The following NALF1 variants were observed in gnomAD, a reference collection of about 807,000 sequenced individuals.
NALF1 encodes family with sequence similarity 155 member A.
NALF1 carries 3 observed loss-of-function variants against 48.4 expected under a neutral mutation model. That is an observed-to-expected ratio of 0.06 (90% CI 0.03 to 0.16). NALF1 has a LOEUF of 0.16. NALF1 is among the 10% of genes least tolerant of loss of function. NALF1 has a pLI of 1.00. For synonymous variants in NALF1, 262 were observed against 245.7 expected (o/e 1.07, Z -0.62); for missense variants, 526 against 571.5 (o/e 0.92, Z 0.81).
intron 1 of NALF1, among the ~76,000 whole-genome samples, chr13:107,512,420 A>C (rs2139088501): frequency 6.6e-6 from 1 of 152,314 alleles, no homozygotes; most frequent in African/African-American, 2.4e-5. Context: ...AACCTGGTTT[A>C]GTTCAATATC....
At chr13:107,347,666 C>G (rs751180949) in intron 1 of NALF1, among the ~76,000 whole-genome samples, 2 of 152,092 alleles carry the variant, frequency 1.3e-5, no homozygotes, top group Non-Finnish European at 2.9e-5. Flanking sequence ...TTTAATAATG[C>G]ATTACGCAAA....
At chr13:107,430,189 G>A (rs1229727401) in intron 1 of NALF1, among the ~76,000 whole-genome samples, 2 of 152,188 alleles carry the variant, frequency 1.3e-5, no homozygotes, top group Non-Finnish European at 2.9e-5. Flanking sequence ...TTCATAGCAA[G>A]CGGTTGGAAT....
chr13:107,657,442 G>T (rs1277433606), intron 1 of NALF1, among the ~76,000 whole-genome samples: 1 of 152,124 alleles, frequency 6.6e-6, no homozygotes, highest in African/African-American at 2.4e-5. Context: ...GTTTGCACGG[G>T]TGTGTGTCTT....
chr13:107,628,001 A>C (rs991982961), intron 1 of NALF1, among the ~76,000 whole-genome samples: 3 of 152,190 alleles, frequency 2.0e-5, no homozygotes, highest in African/African-American at 7.2e-5. Flanking sequence ...TGGAATTTAT[A>C]AATCATACGA....
intron 2 of NALF1, among the ~76,000 whole-genome samples, chr13:107,182,226 CTG>C (rs148923366): frequency 2.8e-3 from 412 of 144,880 alleles, no homozygotes; most frequent in African/African-American, 6.1e-3. Flanking sequence ...TTTATTTATG[CTG>C]TGTGTGTGTG....
At chr13:107,432,928 G>A (rs1023124452) in intron 1 of NALF1, among the ~76,000 whole-genome samples, 1 of 152,108 alleles carries the variant, frequency 6.6e-6, no homozygotes, top group Non-Finnish European at 1.5e-5. Context: ...TTCATCTCCT[G>A]AAGTCTTCTT....
intron 1 of NALF1, among the ~76,000 whole-genome samples, chr13:107,345,206 C>A (rs950378633): frequency 2.0e-5 from 3 of 152,006 alleles, no homozygotes; most frequent in African/African-American, 7.2e-5. Flanking sequence ...CATTGGAAGA[C>A]TTATATATTA....
intron 1 of NALF1, among the ~76,000 whole-genome samples, chr13:107,358,839 G>T (rs1231543063): frequency 6.6e-6 from 1 of 152,038 alleles, no homozygotes; most frequent in Non-Finnish European, 1.5e-5. Context: ...GTTTCTTTGG[G>T]ATTGGGTGCC....
intron 1 of NALF1, among the ~76,000 whole-genome samples, chr13:107,756,435 C>A (rs1319079771): frequency 7.1e-6 from 1 of 141,086 alleles, no homozygotes; most frequent in African/African-American, 2.7e-5. Flanking sequence ...AGTTTAATGG[C>A]TATATATATA....
chr13:107,504,543 C>G (rs1376939722), intron 1 of NALF1, among the ~76,000 whole-genome samples: 1 of 152,116 alleles, frequency 6.6e-6, no homozygotes, highest in Non-Finnish European at 1.5e-5. Context: ...CATATGTACA[C>G]AATAAAATTT....
At chr13:107,539,987 T>A (rs982798658) in intron 1 of NALF1, among the ~76,000 whole-genome samples, 3 of 151,518 alleles carry the variant, frequency 2.0e-5, no homozygotes, top group African/African-American at 7.3e-5. Context: ...AATAATTTCT[T>A]AAAATATCAT....
chr13:107,314,667 G>T (rs889330106), intron 1 of NALF1, among the ~76,000 whole-genome samples: 4 of 152,102 alleles, frequency 2.6e-5, no homozygotes, highest in Admixed American at 2.6e-4. Context: ...TGGTTAGGTA[G>T]ACACTTTGTT....
chr13:107,610,631 G>A (rs995633074), intron 1 of NALF1, among the ~76,000 whole-genome samples: 6 of 152,064 alleles, frequency 3.9e-5, no homozygotes, highest in African/African-American at 1.5e-4. Context: ...TGGTTTAAGA[G>A]AATTTGAACA....
intron 1 of NALF1, among the ~76,000 whole-genome samples, chr13:107,500,453 A>C (rs1875482653): frequency 6.6e-6 from 1 of 151,678 alleles, no homozygotes; most frequent in Admixed American, 6.6e-5. Flanking sequence ...GTCAGGAAAT[A>C]ACAGGTGCTG....
intron 1 of NALF1, among the ~76,000 whole-genome samples, chr13:107,736,830 A>T (rs953122137): frequency 1.3e-5 from 2 of 152,228 alleles, no homozygotes; most frequent in South Asian, 4.1e-4. Context: ...GCTGAAGTAG[A>T]CAGCAGCAGC....
chr13:107,583,275 A>G (rs1364251418), intron 1 of NALF1, among the ~76,000 whole-genome samples: 1 of 152,088 alleles, frequency 6.6e-6, no homozygotes, highest in African/African-American at 2.4e-5. Context: ...TTTTGCAAGA[A>G]TGAGTTTAAT....
chr13:107,618,554 T>A (rs1423647270), intron 1 of NALF1, among the ~76,000 whole-genome samples: 2 of 152,130 alleles, frequency 1.3e-5, no homozygotes, highest in Non-Finnish European at 2.9e-5. Flanking sequence ...TTTGAAAGCT[T>A]TTGCAGCTCT....
At chr13:107,303,927 A>C (rs1363759749) in intron 1 of NALF1, among the ~76,000 whole-genome samples, 1 of 152,184 alleles carries the variant, frequency 6.6e-6, no homozygotes, top group Non-Finnish European at 1.5e-5. Context: ...ATGTCAGAGT[A>C]CTTTTGCAAA....
At chr13:107,482,448 A>G (rs1317680023) in intron 1 of NALF1, among the ~76,000 whole-genome samples, 1 of 152,196 alleles carries the variant, frequency 6.6e-6, no homozygotes. Context: ...AAAGCAATTT[A>G]TAATATGCTT....
Sources: allele counts gnomAD v4.1 joint callset (sites outside exome capture counted in the v4.1 genomes callset), GRCh38; gene constraint gnomAD v4.1.1; transcripts MANE v1.5; gene names NCBI Gene and HGNC (gene_info 2026-07-23, HGNC 2026-07-21).